The following MND1 variants were observed in gnomAD, a reference collection of about 807,000 sequenced individuals.
The protein encoded by MND1 is meiotic nuclear divisions 1.
In MND1, 28 loss-of-function variants were observed where a neutral mutation model predicts 35.1. That is an observed-to-expected ratio of 0.80 (90% CI 0.59 to 1.09). The LOEUF (loss-of-function observed/expected upper bound fraction) is 1.09. Ranked by LOEUF, MND1 falls within the 50% of genes least tolerant of loss-of-function variation. The pLI is 0.00. For missense variants in MND1, 213 were observed against 239.6 expected, an observed-to-expected ratio of 0.89 and a Z score of 0.73; for synonymous variants, 69 against 70.5, an observed-to-expected ratio of 0.98 and a Z score of 0.11.
intron 4 of MND1, chr4:153,381,901 A>G (rs1452288333): frequency 6.6e-6 from 1 of 150,578 alleles, no homozygotes; most frequent in Non-Finnish European, 1.5e-5. Flanking sequence ...ATTGGTGCCA[A>G]ACTTAGTGTA....
At chr4:153,380,085 A>ATTCTC (rs1728631511) in intron 4 of MND1, among the ~76,000 whole-genome samples, 1 of 81,294 alleles carries the variant, frequency 1.2e-5, no homozygotes, top group Non-Finnish European at 2.7e-5. Context: ...GGTCTGTGGT[A>ATTCTC]TCATTCAAAA....
At chr4:153,393,924 CT>C (rs36028750) in intron 4 of MND1, among the ~76,000 whole-genome samples, 950 of 56,422 alleles carry the variant, frequency 0.017, 1 homozygote, top group Middle Eastern at 0.056. Context: ...ACTTTGTTTT[CT>C]TTTTTTTTTT....
At chr4:153,384,102 G>A (rs781009860) in intron 4 of MND1, among the ~76,000 whole-genome samples, 5 of 152,030 alleles carry the variant, frequency 3.3e-5, no homozygotes, top group Admixed American at 6.6e-5. Context: ...CTGTAGCCAC[G>A]ACCAAGTTCA....
At chr4:153,382,325 A>C (rs972136194) in intron 4 of MND1, among the ~76,000 whole-genome samples, 5 of 152,162 alleles carry the variant, frequency 3.3e-5, no homozygotes, top group African/African-American at 1.2e-4. Flanking sequence ...AACCTCTAAC[A>C]CTTTGGTTTA....
At chr4:153,362,335 G>T (rs913143365) in intron 4 of MND1, among the ~76,000 whole-genome samples, 1 of 152,192 alleles carries the variant, frequency 6.6e-6, no homozygotes, top group Non-Finnish European at 1.5e-5. Context: ...GGTTTCTCAT[G>T]AATGGTTTGG....
chr4:153,379,163 G>A (rs1204324486), intron 4 of MND1, among the ~76,000 whole-genome samples: 1 of 151,616 alleles, frequency 6.6e-6, no homozygotes, highest in Non-Finnish European at 1.5e-5. Context: ...GGTTGCAGGC[G>A]CCTGTAGTCC....
chr4:153,355,093 G>A (rs544730737), intron 2 of MND1, among the ~76,000 whole-genome samples: 74 of 152,196 alleles, frequency 4.9e-4, no homozygotes, highest in African/African-American at 1.7e-3. Flanking sequence ...GAGCCCTGGA[G>A]GTCAAGGCTG....
intron 4 of MND1, among the ~76,000 whole-genome samples, chr4:153,380,315 A>G (rs1374523604): frequency 6.6e-6 from 1 of 151,546 alleles, no homozygotes; most frequent in Admixed American, 6.6e-5. Flanking sequence ...TTTTTTTGGC[A>G]TTTTTTGGAT....
At chr4:153,358,063 T>G (rs1381679488) in intron 3 of MND1, among the ~76,000 whole-genome samples, 1 of 152,212 alleles carries the variant, frequency 6.6e-6, no homozygotes. Context: ...TTTCAAAGGC[T>G]TCTCACAAGT....
intron 4 of MND1, among the ~76,000 whole-genome samples, chr4:153,386,614 G>T (rs1320408075): frequency 6.6e-6 from 1 of 152,120 alleles, no homozygotes; most frequent in Non-Finnish European, 1.5e-5. Flanking sequence ...TACTCAGGAG[G>T]CTGAGGCAGG....
At chr4:153,378,306 T>C (rs1225720186) in intron 4 of MND1, among the ~76,000 whole-genome samples, 1 of 152,190 alleles carries the variant, frequency 6.6e-6, no homozygotes, top group African/African-American at 2.4e-5. Flanking sequence ...GAAATACATA[T>C]TGTATAGAAA....
intron 6 of MND1, among the ~76,000 whole-genome samples, chr4:153,400,480 G>A (rs985607913): frequency 1.3e-5 from 2 of 152,172 alleles, no homozygotes; most frequent in African/African-American, 4.8e-5. Context: ...TTTAGGCTAG[G>A]AGTTTGAGAT....
At chr4:153,402,759 G>A (rs918675262) in intron 6 of MND1, among the ~76,000 whole-genome samples, 5 of 152,184 alleles carry the variant, frequency 3.3e-5, no homozygotes, top group African/African-American at 9.7e-5. Flanking sequence ...AATCCTCTCT[G>A]TGGGGAGTGT....
At chr4:153,407,835 A>G (rs1729563688) in intron 6 of MND1, among the ~76,000 whole-genome samples, 2 of 152,200 alleles carry the variant, frequency 1.3e-5, no homozygotes, top group Non-Finnish European at 2.9e-5. Flanking sequence ...TAGAGAAAAG[A>G]CAGCAACTAG....
chr4:153,368,466 G>A (rs1384340249), intron 4 of MND1, among the ~76,000 whole-genome samples: 1 of 152,136 alleles, frequency 6.6e-6, no homozygotes, highest in Non-Finnish European at 1.5e-5. Flanking sequence ...AGACTCCCTG[G>A]CAACTAATGG....
chr4:153,346,725 A>G (rs540882015), intron 1 of MND1, among the ~76,000 whole-genome samples: 1 of 152,330 alleles, frequency 6.6e-6, no homozygotes, highest in South Asian at 2.1e-4. Context: ...CTGAGTGTTG[A>G]GAGCTTTCCT....
intron 1 of MND1, among the ~76,000 whole-genome samples, chr4:153,346,838 A>G (rs563006647): frequency 1.8e-4 from 27 of 152,260 alleles, no homozygotes; most frequent in African/African-American, 6.3e-4. Context: ...AAATGTTAGG[A>G]GTCTTTCCTA....
chr4:153,408,918 A>ATATATATATATATAAATACATTTCATTT (rs1729597431), intron 6 of MND1, 53 bp from the exon 7 acceptor site: 4 of 524,676 alleles, frequency 7.6e-6, no homozygotes, highest in Non-Finnish European at 1.1e-5. Flanking sequence ...GTGTGTATAT[A>ATATATATATATATAAATACATTTCATTT]TATATATATA....
rs3048067 is a variant in MND1, at chr4:153,352,300, C to CGT, written c.69+2183_69+2184dup. On this transcript the variant is annotated intron_variant, in intron 2 of 7. Transcript: ENST00000240488. Reference sequence around the variant, plus strand: ...TCATGTATGGATGGATATATATGTGCGTGTGTGTGTGTGGGTTTTGGAGCT... The same window carrying CGT: ...TCATGTATGGATGGATATATATGTGCGTGTGTGTGTGTGTGGGTTTTGGAGCT... Among the ~76,000 whole-genome samples the CGT allele has an allele frequency of 7.4e-3, 1,118 of 151,534 alleles. 10 individuals are homozygous for CGT. The highest frequency in any genetic ancestry group is 0.025 in the African/African-American group (1,046 of 41,358).
Sources: gnomAD v4.1 joint callset for allele counts (sites outside exome capture counted in the v4.1 genomes callset) on GRCh38, gnomAD v4.1.1 for gene constraint, MANE v1.5 for transcripts, NCBI Gene and HGNC (gene_info 2026-07-23, HGNC 2026-07-21) for gene names.